Variants in CUX1 observed in about 807,000 individuals in gnomAD.
CUX1 encodes the protein cut like homeobox 1.
A neutral mutation model predicts 158.8 loss-of-function variants in CUX1; 31 were observed. The ratio of observed to expected loss-of-function variants is 0.20; its 90% confidence interval spans 0.15 to 0.26. The LOEUF (loss-of-function observed/expected upper bound fraction) is 0.26, where lower values mean the gene tolerates loss of function less well. Ranked by LOEUF, CUX1 falls within the 10% of genes least tolerant of loss-of-function variation. The probability of loss-of-function intolerance (pLI) is 1.00; values close to 1 mark genes in which losing one functional copy is unlikely to be tolerated. For missense variants in CUX1, 1,589 were observed against 2,014.6 expected (o/e 0.79, Z 4.04); for synonymous variants, 879 against 862.1 (o/e 1.02, Z -0.34).
At chr7:102,073,514 A>C (rs1826382317) in intron 4 of CUX1, among the ~76,000 whole-genome samples, 1 of 152,180 alleles carries the variant, frequency 6.6e-6, no homozygotes, top group Non-Finnish European at 1.5e-5. Context: ...CTTTTCAAAA[A>C]GTCAAATTTG....
At chr7:102,258,293 T>C (rs1270616235), downstream of CUX1, 1 of 643,772 alleles carries the variant, frequency 1.6e-6, no homozygotes, top group Non-Finnish European at 1.9e-6. Flanking sequence ...GCAAACACTG[T>C]CATTCGAGGT....
At chr7:101,910,122 T>C (rs1428318674) in intron 1 of CUX1, among the ~76,000 whole-genome samples, 1 of 152,080 alleles carries the variant, frequency 6.6e-6, no homozygotes, top group African/African-American at 2.4e-5. Flanking sequence ...GGTTTCACCA[T>C]GATGGCCAAG....
At chr7:101,822,856 G>C (rs750712851) in intron 1 of CUX1, among the ~76,000 whole-genome samples, 1 of 151,086 alleles carries the variant, frequency 6.6e-6, no homozygotes, top group Non-Finnish European at 1.5e-5. Context: ...AGCTGAGATC[G>C]TGTGACTGCT....
intron 3 of CUX1, among the ~76,000 whole-genome samples, chr7:102,030,861 G>A (rs558085442): frequency 4.1e-4 from 62 of 151,526 alleles, no homozygotes; most frequent in Non-Finnish European, 7.5e-4. Flanking sequence ...CACCACATCC[G>A]GCTAATTTAT....
In CUX1 at chr7:102,178,806, G is replaced by A. The variant is rs1405312845; in HGVS notation, c.1017+149G>A. ...TAAAGTAGCACCAAGCAGAGTCCCG[G>A]AGTCCATGGCAGGGAGACTGGATGT... On this transcript the variant is annotated intron_variant, in intron 11 of 23. Coordinates refer to ENST00000292535, the MANE Select transcript of CUX1 (RefSeq NM_181552.4). 6.2e-6 allele frequency: 5 copies of A among 806,426 alleles called. No homozygotes were observed. In the African/African-American group the frequency reaches 8.7e-5, roughly 14 times the overall value. 50.0% of individuals were successfully genotyped at this position (806,426 alleles called of 1,614,324 possible). A position where few individuals can be genotyped will look rare whatever the true frequency, so the allele number is the denominator to read the frequency against.
intron 9 of CUX1, among the ~76,000 whole-genome samples, chr7:102,170,061 A>G (rs1457670837): frequency 6.6e-6 from 1 of 152,116 alleles, no homozygotes; most frequent in Non-Finnish European, 1.5e-5. Flanking sequence ...TTCACTGTTT[A>G]CCCGTGAGAA....
intron 1 of CUX1, among the ~76,000 whole-genome samples, chr7:101,905,465 G>A (rs1229301860): frequency 6.6e-6 from 1 of 152,194 alleles, no homozygotes; most frequent in Non-Finnish European, 1.5e-5. Context: ...TCCAGATTCT[G>A]TTCACCCGAC....
At chr7:101,840,462 A>G (rs192550832) in intron 1 of CUX1, among the ~76,000 whole-genome samples, 130 of 152,324 alleles carry the variant, frequency 8.5e-4, no homozygotes, top group African/African-American at 2.9e-3. Context: ...TCCTCTTGCA[A>G]ATACTTTTCC....
At chr7:102,052,391 T>G (rs191364690) in intron 3 of CUX1, among the ~76,000 whole-genome samples, 3 of 152,330 alleles carry the variant, frequency 2.0e-5, no homozygotes, top group Non-Finnish European at 4.4e-5. Context: ...AATATATTAG[T>G]TTTTTGTTCC....
At chr7:101,853,476 G>C (rs1463511041) in intron 1 of CUX1, among the ~76,000 whole-genome samples, 4 of 152,132 alleles carry the variant, frequency 2.6e-5, no homozygotes, top group African/African-American at 9.7e-5. Context: ...CTGTCGCTTT[G>C]TCTGTTTTCC....
chr7:102,095,580 T>C (rs201448), intron 4 of CUX1, among the ~76,000 whole-genome samples: 92,264 of 151,922 alleles, frequency 0.61, 29,946 homozygotes, highest in African/African-American at 0.79. Flanking sequence ...CCCTGGCTCC[T>C]GCTGGATACG....
chr7:101,822,030 A>G (rs546832765), intron 1 of CUX1, among the ~76,000 whole-genome samples: 1 of 151,048 alleles, frequency 6.6e-6, no homozygotes, highest in African/African-American at 2.4e-5. Flanking sequence ...AATTTTTTCT[A>G]TTTTTAGTTG....
chr7:101,975,547 C>A (rs1308419036), intron 2 of CUX1, among the ~76,000 whole-genome samples: 2 of 152,088 alleles, frequency 1.3e-5, no homozygotes, highest in Non-Finnish European at 2.9e-5. Context: ...CAGAACGAGA[C>A]CCCGTCTCTA....
At chr7:101,892,484 C>A (rs146995753) in intron 1 of CUX1, among the ~76,000 whole-genome samples, 1 of 152,240 alleles carries the variant, frequency 6.6e-6, no homozygotes, top group East Asian at 1.9e-4. Context: ...ATTGCCACTT[C>A]AACAAGAAAA....
intron 21 of CUX1, among the ~76,000 whole-genome samples, chr7:102,229,251 G>A (rs1218446557): frequency 6.6e-6 from 1 of 151,542 alleles, no homozygotes; most frequent in Non-Finnish European, 1.5e-5. Context: ...TCTGTGCTCT[G>A]TGTCACTGGT....
intron 1 of CUX1, among the ~76,000 whole-genome samples, chr7:101,844,515 T>A (rs1394435491): frequency 6.6e-6 from 1 of 152,216 alleles, no homozygotes; most frequent in Non-Finnish European, 1.5e-5. Flanking sequence ...TTGAGAAATA[T>A]GAGGACAGTG....
In CUX1 at chr7:102,045,142, C is replaced by T. The variant is rs533508654; in HGVS notation, c.189+16997C>T. Among the ~76,000 whole-genome samples, 19 of 152,338 alleles carry T rather than the reference C, an allele frequency of 1.2e-4. No individual in the cohort carries two copies. The East Asian group carries it at 1.3e-3, about 11-fold the overall frequency. ...CATGATGGCTCAATTAGGGACCCGTCGGACTGCGGCTCAACATCCAGGCCA... is the reference window on the plus strand; with the variant it reads ...CATGATGGCTCAATTAGGGACCCGTTGGACTGCGGCTCAACATCCAGGCCA... On this transcript the variant is annotated intron_variant, in intron 3 of 23. Transcript: ENST00000292535.
intron 1 of CUX1, among the ~76,000 whole-genome samples, chr7:101,844,492 CAG>C (rs1465370989): frequency 3.9e-5 from 6 of 152,186 alleles, no homozygotes; most frequent in Non-Finnish European, 7.3e-5. Flanking sequence ...TCTTTTTGCA[CAG>C]AGAGTCACGG....
chr7:102,273,958 C>A (rs986992708), intron 15 of CUX1, among the ~76,000 whole-genome samples: 22 of 152,246 alleles, frequency 1.4e-4, no homozygotes, highest in African/African-American at 5.1e-4. Flanking sequence ...GTTGCAGGGC[C>A]AGGGAGGCCC....
Sources: allele counts gnomAD v4.1 joint callset (sites outside exome capture counted in the v4.1 genomes callset), GRCh38; gene constraint gnomAD v4.1.1; transcripts MANE v1.5; gene names NCBI Gene and HGNC (gene_info 2026-07-23, HGNC 2026-07-21).